ANKS1B: variants seen among roughly 807,000 people sequenced by gnomAD.
ANKS1B encodes the protein ankyrin repeat and sterile alpha motif domain containing 1B, also known as ankyrin repeat and sterile alpha motif domain-containing protein 1B.
Under a neutral mutation model 148.3 loss-of-function variants are expected in ANKS1B, and 36 were observed. The observed-to-expected ratio is 0.24, with a 90% CI of 0.19 to 0.32. The LOEUF (loss-of-function observed/expected upper bound fraction) is 0.32, where lower values mean the gene tolerates loss of function less well. Among genes scored for constraint, ANKS1B ranks in the 10% least tolerant of loss-of-function variants. ANKS1B has a pLI of 1.00. For synonymous variants in ANKS1B, 542 were observed against 560.8 expected, an observed-to-expected ratio of 0.97 and a Z score of 0.47; for missense variants, 1,157 against 1,542.6, an observed-to-expected ratio of 0.75 and a Z score of 4.19.
At chr12:98,902,144 A>C (rs1257801749) in intron 17 of ANKS1B, among the ~76,000 whole-genome samples, 1 of 152,174 alleles carries the variant, frequency 6.6e-6, no homozygotes, top group Non-Finnish European at 1.5e-5. Flanking sequence ...AAACACTGAG[A>C]CCCATCTGCC....
At chr12:99,497,156 T>C (rs973320587) in intron 10 of ANKS1B, among the ~76,000 whole-genome samples, 9 of 152,214 alleles carry the variant, frequency 5.9e-5, no homozygotes, top group African/African-American at 1.9e-4. Context: ...AGTGTTTACA[T>C]ATAACCTATT....
intron 3 of ANKS1B, among the ~76,000 whole-genome samples, chr12:99,808,276 T>C (rs2067891516): frequency 6.6e-6 from 1 of 152,104 alleles, no homozygotes; most frequent in Non-Finnish European, 1.5e-5. Flanking sequence ...AAGTTTGCCC[T>C]GGATGATAGA....
Position 99,409,760 on chromosome 12 carries a change from TAGG to T in ANKS1B, c.1576-9952_1576-9950del, listed in dbSNP as rs1594214233. 2.0e-5 allele frequency among the ~76,000 whole-genome samples: 3 copies of T among 151,960 alleles called. No individual in the cohort carries two copies. The East Asian group carries it at 5.8e-4, about 30-fold the overall frequency. ...ATATTAAAATGGAGATAAAAAAGAA[TAGG>T]TCTAGAATATTCATTTAAACATGTT... On this transcript the variant is annotated intron_variant, in intron 11 of 26. Transcript: ENST00000683438.
In ANKS1B at chr12:99,367,260, G is replaced by A. The variant is rs555596724; in HGVS notation, c.1756+32371C>T. Among the ~76,000 whole-genome samples the A allele has an allele frequency of 1.4e-4, 22 of 152,160 alleles. No homozygotes were observed. The South Asian group carries it at 3.5e-3, about 24-fold the overall frequency. Reference sequence around the variant, plus strand: ...CCGAATAGAAAATTGGGCAAAAGACGTGGGCATTTCATAAAAAGAAGAGAA... The same window carrying A: ...CCGAATAGAAAATTGGGCAAAAGACATGGGCATTTCATAAAAAGAAGAGAA... On this transcript the variant is annotated intron_variant, in intron 12 of 26. Coordinates refer to ENST00000683438, the MANE Select transcript of ANKS1B (RefSeq NM_001352186.2).
At chr12:98,998,494 G>GC (rs1159980335) in intron 17 of ANKS1B, among the ~76,000 whole-genome samples, 1 of 152,172 alleles carries the variant, frequency 6.6e-6, no homozygotes, top group Non-Finnish European at 1.5e-5. Context: ...GAGAAAAGCT[G>GC]CAAGTAAGAC....
rs539533696 is a variant in ANKS1B, at chr12:99,274,529, C to T, written c.1757-27665G>A. Among the ~76,000 whole-genome samples, 3 of 152,276 alleles carry T rather than the reference C, an allele frequency of 2.0e-5. No homozygotes were observed. The South Asian group carries it at 6.2e-4, about 32-fold the overall frequency. On this transcript the variant is annotated intron_variant, in intron 12 of 26. Transcript: ENST00000683438. Reference sequence around the variant, plus strand: ...CCAGCTTCCAATCACATTTTCCATACTTTCCTTTAAGCTCCCAGGGACGAT... The same window carrying T: ...CCAGCTTCCAATCACATTTTCCATATTTTCCTTTAAGCTCCCAGGGACGAT...
intron 14 of ANKS1B, among the ~76,000 whole-genome samples, chr12:99,189,967 A>C (rs1258670892): frequency 6.6e-6 from 1 of 152,218 alleles, no homozygotes; most frequent in African/African-American, 2.4e-5. Flanking sequence ...AAATCTTCTT[A>C]AGCTGATAAG....
chr12:99,140,312 A>C (rs1417800124), intron 15 of ANKS1B, among the ~76,000 whole-genome samples: 1 of 152,190 alleles, frequency 6.6e-6, no homozygotes, highest in Non-Finnish European at 1.5e-5. Flanking sequence ...TAAGGTGACT[A>C]ACTTTCCAAA....
At chr12:99,618,716 T>C (rs1010319396) in intron 9 of ANKS1B, among the ~76,000 whole-genome samples, 3 of 151,918 alleles carry the variant, frequency 2.0e-5, no homozygotes, top group Non-Finnish European at 4.4e-5. Flanking sequence ...TTAGAGACAT[T>C]GTGAGCGCAA....
chr12:99,557,648 G>A (rs1227794422), intron 9 of ANKS1B, among the ~76,000 whole-genome samples: 1 of 152,068 alleles, frequency 6.6e-6, no homozygotes, highest in Non-Finnish European at 1.5e-5. Context: ...TTCATATTCT[G>A]AATTCTATGT....
chr12:99,596,388 G>A (rs1460164723), intron 9 of ANKS1B, among the ~76,000 whole-genome samples: 2 of 151,682 alleles, frequency 1.3e-5, no homozygotes, highest in African/African-American at 4.8e-5. Flanking sequence ...TCCTGTGTGT[G>A]CCTCTGTGTC....
intron 1 of ANKS1B, among the ~76,000 whole-genome samples, chr12:99,953,957 T>A (rs1003695628): frequency 6.6e-6 from 1 of 152,032 alleles, no homozygotes; most frequent in Non-Finnish European, 1.5e-5. Context: ...GTAAATGTAA[T>A]AGGGGGTTTG....
chr12:99,347,308 G>A (rs551018526), intron 12 of ANKS1B, among the ~76,000 whole-genome samples: 2 of 151,944 alleles, frequency 1.3e-5, no homozygotes, highest in Non-Finnish European at 2.9e-5. Context: ...TGAGATGCTT[G>A]GGGGAGTAAG....
intron 17 of ANKS1B, among the ~76,000 whole-genome samples, chr12:98,981,511 T>C: frequency 6.6e-6 from 1 of 152,040 alleles, no homozygotes; most frequent in East Asian, 1.9e-4. Context: ...CATTTTTGTA[T>C]TTTTAGTGGA....
At chr12:99,672,176 T>C (rs1183389902) in intron 8 of ANKS1B, among the ~76,000 whole-genome samples, 1 of 152,082 alleles carries the variant, frequency 6.6e-6, no homozygotes, top group Non-Finnish European at 1.5e-5. Context: ...GCCAAGGCAT[T>C]AAACCCATGC....
intron 8 of ANKS1B, among the ~76,000 whole-genome samples, chr12:99,725,556 G>C (rs2058533263): frequency 6.6e-6 from 1 of 152,088 alleles, no homozygotes; most frequent in Non-Finnish European, 1.5e-5. Flanking sequence ...ATAATAAAAA[G>C]GGACTTCTAA....
intron 1 of ANKS1B, among the ~76,000 whole-genome samples, chr12:99,960,292 G>A (rs980200349): frequency 2.6e-5 from 4 of 152,186 alleles, no homozygotes; most frequent in Non-Finnish European, 5.9e-5. Flanking sequence ...CCATCTATGC[G>A]AGGTAAGGTT....
At chr12:99,640,478 A>G (rs1385165822) in intron 9 of ANKS1B, among the ~76,000 whole-genome samples, 1 of 152,110 alleles carries the variant, frequency 6.6e-6, no homozygotes, top group Non-Finnish European at 1.5e-5. Flanking sequence ...TTATTCTTGG[A>G]GTGTGTTTGC....
chr12:99,468,176 C>G (rs1399141763), intron 10 of ANKS1B, among the ~76,000 whole-genome samples: 1 of 152,070 alleles, frequency 6.6e-6, no homozygotes, highest in Non-Finnish European at 1.5e-5. Context: ...CTGAGAAAAA[C>G]AAGCAATGGG....
Sources: gnomAD v4.1 joint callset for allele counts (sites outside exome capture counted in the v4.1 genomes callset) on GRCh38, gnomAD v4.1.1 for gene constraint, MANE v1.5 for transcripts, NCBI Gene and HGNC (gene_info 2026-07-23, HGNC 2026-07-21) for gene names.